STAG1: variants seen among roughly 807,000 people sequenced by gnomAD.
The protein encoded by STAG1 is cohesin subunit SA-1.
A neutral mutation model predicts 170.9 loss-of-function variants in STAG1; 26 were observed. That is an observed-to-expected ratio of 0.15 (90% CI 0.11 to 0.21). STAG1 has a LOEUF of 0.21. STAG1 is among the 10% of genes least tolerant of loss of function. The pLI, the probability that STAG1 is intolerant of heterozygous loss-of-function variation, is 1.00. For missense variants in STAG1, 964 were observed against 1,509.5 expected (o/e 0.64, Z 5.99); for synonymous variants, 514 against 497.7 (o/e 1.03, Z -0.44).
intron 1 of STAG1, among the ~76,000 whole-genome samples, chr3:136,673,932 GTC>G (rs112259629): frequency 4.0e-5 from 6 of 151,558 alleles, no homozygotes; most frequent in African/African-American, 1.2e-4. Context: ...GCAAAACCCC[GTC>G]TCTACTAAAA....
At chr3:136,658,679 T>C (rs1161510363) in intron 1 of STAG1, among the ~76,000 whole-genome samples, 1 of 152,260 alleles carries the variant, frequency 6.6e-6, no homozygotes, top group Non-Finnish European at 1.5e-5. Flanking sequence ...TCCGAGGTGA[T>C]GTTAAATTAT....
chr3:136,572,812 T>A (rs1267594569), intron 4 of STAG1, among the ~76,000 whole-genome samples: 1 of 152,156 alleles, frequency 6.6e-6, no homozygotes. Context: ...TATTGGTTAT[T>A]CATCCAGAAG....
chr3:136,547,372 A>C (rs959304582), intron 5 of STAG1, among the ~76,000 whole-genome samples: 3 of 152,160 alleles, frequency 2.0e-5, no homozygotes, highest in Non-Finnish European at 2.9e-5. Context: ...CAAAGGTGGT[A>C]GCTGTCATGT....
At chr3:136,445,254 A>T (rs903584426) in intron 14 of STAG1, among the ~76,000 whole-genome samples, 1 of 152,038 alleles carries the variant, frequency 6.6e-6, no homozygotes, top group East Asian at 1.9e-4. Flanking sequence ...TTTGAGGGAG[A>T]TATCTTCAAA....
intron 29 of STAG1, among the ~76,000 whole-genome samples, chr3:136,345,455 GTTTTTT>G (rs34593330): frequency 2.0e-5 from 2 of 99,278 alleles, no homozygotes; most frequent in African/African-American, 9.0e-5. Flanking sequence ...TTACCTAGTT[GTTTTTT>G]TTTTTTTTTT....
chr3:136,356,860 C>G lies in STAG1; in HGVS notation c.3065+860G>C, dbSNP rs957056379. On this transcript the variant is annotated intron_variant, in intron 28 of 33. Coordinates refer to ENST00000383202, the MANE Select transcript of STAG1 (RefSeq NM_005862.3). ...CTCTGCCACTTGGGTTCAAGCGATT[C>G]TTGTGCATCAGCCTCCTGAGCAGCT... 3.9e-5 allele frequency among the ~76,000 whole-genome samples: 6 copies of G among 152,100 alleles called. No homozygotes were observed. The East Asian group carries it at 1.2e-3, about 29-fold the overall frequency.
intron 26 of STAG1, among the ~76,000 whole-genome samples, chr3:136,362,034 C>A (rs1196510257): frequency 6.6e-6 from 1 of 152,082 alleles, no homozygotes; most frequent in East Asian, 1.9e-4. Context: ...TGGATACCTG[C>A]AACCCCCGCC....
At chr3:136,671,765 C>T (rs944050875) in intron 1 of STAG1, among the ~76,000 whole-genome samples, 5 of 151,902 alleles carry the variant, frequency 3.3e-5, no homozygotes, top group South Asian at 4.2e-4. Context: ...ACCTGTAGTT[C>T]GTGTTATTTT....
chr3:136,378,086 C>G (rs904626083), intron 22 of STAG1, among the ~76,000 whole-genome samples: 1 of 152,150 alleles, frequency 6.6e-6, no homozygotes, highest in South Asian at 2.1e-4. Flanking sequence ...TAAAGTGAGG[C>G]AGCAGAGCAG....
intron 1 of STAG1, among the ~76,000 whole-genome samples, chr3:136,743,300 G>A (rs577035439): frequency 2.0e-4 from 30 of 151,712 alleles, no homozygotes; most frequent in Admixed American, 9.9e-4. Context: ...CCCAGGAGGC[G>A]GAAGTTACAG....
chr3:136,382,044 A>G (rs1937997894), intron 22 of STAG1, among the ~76,000 whole-genome samples: 1 of 152,226 alleles, frequency 6.6e-6, no homozygotes, highest in Non-Finnish European at 1.5e-5. Flanking sequence ...TATACTTAAT[A>G]TGGATGTTTA....
chr3:136,619,453 T>C (rs1028432907), intron 3 of STAG1, among the ~76,000 whole-genome samples: 8 of 151,670 alleles, frequency 5.3e-5, no homozygotes, highest in African/African-American at 1.9e-4. Context: ...AGGTGGCGAT[T>C]TGCAATGTTA....
intron 1 of STAG1, among the ~76,000 whole-genome samples, chr3:136,652,070 C>T (rs1038325554): frequency 1.3e-5 from 2 of 152,100 alleles, no homozygotes; most frequent in African/African-American, 2.4e-5. Flanking sequence ...GGAGCTAAGG[C>T]CTTCTTGTGC....
chr3:136,644,765 A>G (rs1940937921), intron 1 of STAG1, among the ~76,000 whole-genome samples: 1 of 151,840 alleles, frequency 6.6e-6, no homozygotes, highest in Non-Finnish European at 1.5e-5. Flanking sequence ...CTCTGTCACC[A>G]GGCTGGAGTG....
intron 4 of STAG1, among the ~76,000 whole-genome samples, chr3:136,579,589 A>C (rs1937547663): frequency 6.6e-6 from 1 of 152,216 alleles, no homozygotes; most frequent in Non-Finnish European, 1.5e-5. Context: ...AGCTGCCCAC[A>C]GTTACTTTCT....
chr3:136,742,159 AAAC>A (rs1232564727), intron 1 of STAG1, among the ~76,000 whole-genome samples: 11 of 152,306 alleles, frequency 7.2e-5, no homozygotes, highest in East Asian at 5.8e-4. Context: ...CAACAACAAA[AAAC>A]AACAACAAAT....
Position 136,338,367 on chromosome 3 carries a change from T to G in STAG1, c.3753+3A>C. ...TAAAAAGCAGTAATAATTTGACATT[T>G]ACTGAATCATCTTCTATGATAGCTG... is the stretch of plus-strand genomic sequence containing the variant. On this transcript the variant is annotated splice_donor_region_variant and intron_variant, in intron 33 of 33. Coordinates refer to ENST00000383202, the MANE Select transcript of STAG1 (RefSeq NM_005862.3). 6.2e-7 allele frequency: 1 copy of G among 1,611,430 alleles called. No individual in the cohort carries two copies. The highest frequency in any genetic ancestry group is 8.5e-7 in the Non-Finnish European group (1 of 1,177,594).
Position 136,373,380 on chromosome 3 carries a change from C to A in STAG1, c.2371-4098G>T, listed in dbSNP as rs577144936. Among the ~76,000 whole-genome samples the A allele has an allele frequency of 2.6e-5, 4 of 152,164 alleles. No homozygotes were observed. In the East Asian group the frequency reaches 7.7e-4, roughly 29 times the overall value. On this transcript the variant is annotated intron_variant, in intron 23 of 33. Coordinates refer to ENST00000383202, the MANE Select transcript of STAG1 (RefSeq NM_005862.3). ...CTGCTCTGATCTTAGTTATTTCTTG[C>A]CGTCTGCTAGCTTTTGAATGTGCTT...
At chr3:136,533,714 C>T (rs1035765568) in intron 6 of STAG1, among the ~76,000 whole-genome samples, 2 of 152,180 alleles carry the variant, frequency 1.3e-5, no homozygotes, top group Admixed American at 1.3e-4. Context: ...CAAACACTTC[C>T]CACCAGGCCC....
Sources: gnomAD v4.1 joint callset for allele counts (sites outside exome capture counted in the v4.1 genomes callset) on GRCh38, gnomAD v4.1.1 for gene constraint, MANE v1.5 for transcripts, NCBI Gene and HGNC (gene_info 2026-07-23, HGNC 2026-07-21) for gene names.